Variants in CNIH4 observed in about 807,000 individuals in gnomAD.
CNIH4 encodes protein cornichon homolog 4.
CNIH4 carries 9 observed loss-of-function variants against 21.5 expected under a neutral mutation model. The ratio of observed to expected loss-of-function variants is 0.42; its 90% CI spans 0.25 to 0.73. The LOEUF is 0.73. Among genes scored for constraint, CNIH4 ranks in the 30% least tolerant of loss-of-function variants. The probability of loss-of-function intolerance (pLI) is 0.27; values close to 1 mark genes in which losing one functional copy is unlikely to be tolerated. For missense variants in CNIH4, 159 were observed against 170.0 expected, an observed-to-expected ratio of 0.94 and a Z score of 0.36; for synonymous variants, 67 against 59.1, an observed-to-expected ratio of 1.13 and a Z score of -0.61.
chr1:224,376,854 A>C lies in CNIH4; in HGVS notation c.*1032A>C. The C allele has an allele frequency of 3.0e-6, 3 of 985,462 alleles. No individual in the cohort carries two copies. Among genetic ancestry groups the C allele is most frequent in the Non-Finnish European group, 3.6e-6 (3 of 829,938 alleles). 61.0% of individuals were successfully genotyped at this position (985,462 alleles called of 1,614,324 possible). A position where few individuals can be genotyped will look rare whatever the true frequency, so the allele number is the denominator to read the frequency against. On this transcript the variant is annotated 3_prime_UTR_variant, in exon 5 of 5. Coordinates refer to ENST00000465271, the MANE Select transcript of CNIH4 (RefSeq NM_014184.4). ...CTTAGCTCTGTTTGCCAGCTCTTAC[A>C]GGGTAAAATAAACCTGGCAATTTAT...
At chr1:224,357,582 G>A (rs1046970802) in intron 1 of CNIH4, 8 of 152,292 alleles carry the variant, frequency 5.3e-5, no homozygotes, top group African/African-American at 1.9e-4. Context: ...CCAAAGGAGC[G>A]AAGTTGCTTC....
At position 224,379,275 on chromosome 1, in the gene CNIH4, A is replaced by T. The variant is rs1218987598; in HGVS notation, c.*3453A>T. On this transcript the variant is annotated 3_prime_UTR_variant, in exon 5 of 5. Transcript: ENST00000465271. Reference sequence around the variant, plus strand: ...TTCCTATAGTAGTATCTCCCATGGCACTTACCACATTCTATCTGGTATTAC... The same window carrying T: ...TTCCTATAGTAGTATCTCCCATGGCTCTTACCACATTCTATCTGGTATTAC... The T allele has an allele frequency of 1.6e-6, 1 of 615,664 alleles. No homozygotes were observed. Among genetic ancestry groups the T allele is most frequent in the Non-Finnish European group, 2.9e-6 (1 of 345,470 alleles). 38.1% of individuals were successfully genotyped at this position (615,664 alleles called of 1,614,324 possible).
Position 224,371,238 on chromosome 1 carries a change from A to G in CNIH4, c.252-45A>G, listed in dbSNP as rs779154168. The G allele has an allele frequency of 1.4e-5, 22 of 1,578,230 alleles. No individual in the cohort carries two copies. In the East Asian group the frequency reaches 2.2e-4, roughly 16 times the overall value. Reference sequence around the variant, plus strand: ...TACTTATATTTGAATACTTATGCCTATGATTTGATTATCCTTCTAATGTGT... The same window carrying G: ...TACTTATATTTGAATACTTATGCCTGTGATTTGATTATCCTTCTAATGTGT... On this transcript the variant is annotated intron_variant, in intron 3 of 4. Transcript: ENST00000465271.
rs998102517 is a variant in CNIH4, at chr1:224,366,143, G to A, written c.251+152G>A. The A allele has an allele frequency of 7.9e-5, 49 of 622,898 alleles. No individual in the cohort carries two copies. In the African/African-American group the frequency reaches 8.4e-4, roughly 11 times the overall value. 38.6% of individuals were successfully genotyped at this position (622,898 alleles called of 1,614,324 possible). A position where few individuals can be genotyped will look rare whatever the true frequency, so the allele number is the denominator to read the frequency against. ...TGCAATTTCTGCCTCCTCAGTTTAA[G>A]CGATTCTCCCACTTCAGCCTCCCAA... On this transcript the variant is annotated intron_variant, in intron 3 of 4. Coordinates refer to ENST00000465271, the MANE Select transcript of CNIH4 (RefSeq NM_014184.4).
chr1:224,374,150 T>G (rs1163957650), intron 4 of CNIH4, among the ~76,000 whole-genome samples: 1 of 152,236 alleles, frequency 6.6e-6, no homozygotes. Context: ...AAACAGTGGT[T>G]TTGCTATTAC....
chr1:224,367,295 TA>T (rs1423115745), intron 3 of CNIH4, among the ~76,000 whole-genome samples: 1 of 151,830 alleles, frequency 6.6e-6, no homozygotes, highest in Non-Finnish European at 1.5e-5. Flanking sequence ...CAGAAAAAAA[TA>T]AAGTAGGGTT....
upstream of CNIH4, chr1:224,356,854 G>A (rs565549479): frequency 1.1e-4 from 140 of 1,320,158 alleles, 3 homozygotes; most frequent in South Asian, 1.6e-3. Context: ...GCCCCGGCAA[G>A]GGCCTATCAG....
chr1:224,374,821 C>T (rs757394838), intron 4 of CNIH4, among the ~76,000 whole-genome samples: 7 of 152,166 alleles, frequency 4.6e-5, no homozygotes, highest in Non-Finnish European at 2.9e-5. Context: ...CTTGTTTATG[C>T]TGACCCATAG....
chr1:224,359,825 A>C (rs1360234317), intron 1 of CNIH4, among the ~76,000 whole-genome samples: 1 of 152,168 alleles, frequency 6.6e-6, no homozygotes, highest in Non-Finnish European at 1.5e-5. Flanking sequence ...CAGTACTGCT[A>C]CTAATAGCTA....
Position 224,378,304 on chromosome 1 carries a change from C to G in CNIH4, c.*2482C>G, listed in dbSNP as rs1672834822. On this transcript the variant is annotated 3_prime_UTR_variant, in exon 5 of 5. Transcript: ENST00000465271. The stretch of plus-strand genomic sequence containing the variant: ...TCAAGCGATTCTCCTGCCTCGGCCT[C>G]CCAGATGTTGGGATTACTGGTGTGA... 6.6e-6 allele frequency: 1 copy of G among 152,180 alleles called. No homozygotes were observed. The highest frequency in any genetic ancestry group is 2.4e-5 in the African/African-American group (1 of 41,410). 9.4% of individuals were successfully genotyped at this position (152,180 alleles called of 1,614,324 possible). A position where few individuals can be genotyped will look rare whatever the true frequency, so the allele number is the denominator to read the frequency against.
chr1:224,373,830 A>C (rs1238847322), intron 4 of CNIH4, among the ~76,000 whole-genome samples: 1 of 151,844 alleles, frequency 6.6e-6, no homozygotes, highest in Non-Finnish European at 1.5e-5. Flanking sequence ...TCCGTCTCAA[A>C]AAAAAAGAAA....
At chr1:224,356,833 C>T, upstream of CNIH4, 4 of 1,090,686 alleles carry the variant, frequency 3.7e-6, no homozygotes, top group Non-Finnish European at 5.5e-6. Context: ...GAGGACCACA[C>T]GCCTCAGCCA....
intron 4 of CNIH4, among the ~76,000 whole-genome samples, chr1:224,373,946 C>T (rs889217371): frequency 2.2e-4 from 34 of 152,196 alleles, no homozygotes; most frequent in African/African-American, 6.8e-4. Context: ...ACTCATGTAA[C>T]TGGTTTGCCT....
At chr1:224,374,031 T>C (rs1203204729) in intron 4 of CNIH4, among the ~76,000 whole-genome samples, 2 of 152,366 alleles carry the variant, frequency 1.3e-5, no homozygotes, top group African/African-American at 2.4e-5. Context: ...TATCAGCCTG[T>C]CATTTTCAGC....
upstream of CNIH4, chr1:224,356,836 C>G: frequency 8.6e-7 from 1 of 1,165,410 alleles, no homozygotes. Context: ...GACCACACGC[C>G]TCAGCCAGCC....
rs1477814566 is a variant in CNIH4 at position 224,375,817 on chromosome 1, G to T, written c.415G>T (p.Asp139Tyr). ...CAGTATGATCTTAGCTTTGATAAAT[G>T]ACTGAAGCTGGAGAAGCCGTGGTTG... ...LYSMILALIN[D>Y] The change falls in exon 5 of 5, where the codon GAC becomes TAC. Residue 139 changes from aspartate (D) to tyrosine (Y), a missense_variant. By Grantham distance (160) the Asp-to-Tyr change is radical (BLOSUM62 -3). Coordinates refer to ENST00000465271, the MANE Select transcript of CNIH4 (RefSeq NM_014184.4). 1.2e-5 allele frequency: 19 copies of T among 1,613,940 alleles called. No individual in the cohort carries two copies. Among genetic ancestry groups the T allele is most frequent in the East Asian group, 6.7e-5 (3 of 44,894 alleles).
Position 224,379,375 on chromosome 1 carries a change from T to A in CNIH4, c.*3553T>A. On this transcript the variant is annotated 3_prime_UTR_variant, in exon 5 of 5. Transcript: ENST00000465271. Reference sequence around the variant, plus strand: ...CAGAATATGCCCATTCATATTTGTATCTTCTTCCTTCTGCTCTTGGCACCT... The same window carrying A: ...CAGAATATGCCCATTCATATTTGTAACTTCTTCCTTCTGCTCTTGGCACCT... The A allele has an allele frequency of 2.3e-6, 1 of 436,036 alleles. No homozygotes were observed. The highest frequency in any genetic ancestry group is 4.2e-6 in the Non-Finnish European group (1 of 235,574). The allele number at this position is 436,036 out of a possible 1,614,324, so 27.0% of individuals were successfully genotyped here.
chr1:224,357,080 T>A, intron 1 of CNIH4, 87 bp downstream of exon 1: 1 of 1,462,078 alleles, frequency 6.8e-7, no homozygotes, highest in Non-Finnish European at 9.4e-7. Context: ...TGTGTGGGAC[T>A]AGGGAGGCGC....
chr1:224,365,944 G>C lies in CNIH4; in HGVS notation c.204G>C (p.Trp68Cys). ...TATTACTGCTCATGTCATTGCACTG[G>C]TTCATCTTCCTTCTCAACTTACCTG... is the stretch of plus-strand genomic sequence containing the variant. ...VTVLLLMSLH[W>C]FIFLLNLPVA... Residue 68 changes from tryptophan (W) to cysteine (C), a missense_variant, in exon 3 of 5, where the codon TGG (tryptophan) becomes TGC (cysteine). Transcript: ENST00000465271. 1 of 1,612,988 alleles carries C rather than the reference G, an allele frequency of 6.2e-7. No individual in the cohort carries two copies. The highest frequency in any genetic ancestry group is 8.5e-7 in the Non-Finnish European group (1 of 1,178,978).
Sources: allele counts gnomAD v4.1 joint callset (sites outside exome capture counted in the v4.1 genomes callset), GRCh38; gene constraint gnomAD v4.1.1; transcripts MANE v1.5; gene names NCBI Gene and HGNC (gene_info 2026-07-23, HGNC 2026-07-21).